Variants in CDH13 observed in about 807,000 individuals in gnomAD.
CDH13 encodes the protein cadherin 13.
Under a neutral mutation model 63.8 loss-of-function variants are expected in CDH13, and 24 were observed. That is an observed-to-expected ratio of 0.38 (90% confidence interval 0.27 to 0.53). The LOEUF is 0.53. Among genes scored for constraint, CDH13 ranks in the 20% least tolerant of loss-of-function variants. The pLI, the probability that CDH13 is intolerant of heterozygous loss-of-function variation, is 0.85. For missense variants in CDH13, 1,049 were observed against 903.1 expected, an observed-to-expected ratio of 1.16 and a Z score of -2.07; for synonymous variants, 503 against 355.3, an observed-to-expected ratio of 1.42 and a Z score of -4.67.
intron 3 of CDH13, among the ~76,000 whole-genome samples, chr16:83,113,780 A>C (rs1317689746): frequency 6.6e-6 from 1 of 152,216 alleles, no homozygotes; most frequent in Non-Finnish European, 1.5e-5. Flanking sequence ...AGAAGCCCTC[A>C]GACAAGCACC....
chr16:82,955,122 C>A (rs1407769736), intron 2 of CDH13, among the ~76,000 whole-genome samples: 2 of 152,260 alleles, frequency 1.3e-5, no homozygotes, highest in Admixed American at 1.3e-4. Flanking sequence ...TGTGGATATG[C>A]ACCTACCTAG....
chr16:83,576,149 G>A (rs1042074668), intron 7 of CDH13, among the ~76,000 whole-genome samples: 1 of 152,120 alleles, frequency 6.6e-6, no homozygotes, highest in Admixed American at 6.5e-5. Flanking sequence ...CCATTAAGTA[G>A]CCTCTCCCAC....
intron 6 of CDH13, among the ~76,000 whole-genome samples, chr16:83,452,084 C>G (rs1028660351): frequency 6.6e-6 from 1 of 152,142 alleles, no homozygotes; most frequent in African/African-American, 2.4e-5. Flanking sequence ...GCACTCCCCA[C>G]CGCCTGAGAT....
chr16:83,753,463 T>C (rs764130365), intron 11 of CDH13, among the ~76,000 whole-genome samples: 16 of 152,116 alleles, frequency 1.1e-4, no homozygotes, highest in Non-Finnish European at 2.1e-4. Context: ...GAGGATCACC[T>C]GAACCCAGGT....
intron 1 of CDH13, among the ~76,000 whole-genome samples, chr16:82,672,944 A>T (rs981601178): frequency 2.0e-5 from 3 of 149,562 alleles, no homozygotes; most frequent in Non-Finnish European, 3.0e-5. Context: ...CCTCCTGAGC[A>T]GCTGGGACCG....
chr16:83,447,426 A>AC (rs2072740650), intron 6 of CDH13, among the ~76,000 whole-genome samples: 1 of 152,020 alleles, frequency 6.6e-6, no homozygotes, highest in South Asian at 2.1e-4. Context: ...AAAAAAACAA[A>AC]GAAAAAAAAG....
At chr16:83,617,709 T>C (rs1280145699) in intron 8 of CDH13, among the ~76,000 whole-genome samples, 1 of 151,576 alleles carries the variant, frequency 6.6e-6, no homozygotes, top group African/African-American at 2.4e-5. Flanking sequence ...ATATCACATA[T>C]TCTATTCTAA....
At position 83,065,759 on chromosome 16, in the gene CDH13, T is replaced by G. The variant is rs534171495; in HGVS notation, c.366+33541T>G. On this transcript the variant is annotated intron_variant, in intron 3 of 13. Coordinates refer to ENST00000567109, the MANE Select transcript of CDH13 (RefSeq NM_001257.5). ...AAAAAAAAACAAGACTACTTTTAGG[T>G]TCTCGCTCTTTGGATGTGTTGCTGT... Among the ~76,000 whole-genome samples the G allele has an allele frequency of 8.6e-5, 13 of 151,360 alleles. 1 individual carries two copies. The South Asian group carries it at 2.5e-3, about 29-fold the overall frequency.
At chr16:82,635,454 G>A (rs763471729) in intron 1 of CDH13, among the ~76,000 whole-genome samples, 50 of 152,236 alleles carry the variant, frequency 3.3e-4, no homozygotes, top group Non-Finnish European at 6.5e-4. Flanking sequence ...GTGATGTGAA[G>A]TGTGGCTGGG....
At chr16:83,089,637 C>T (rs973100425) in intron 3 of CDH13, among the ~76,000 whole-genome samples, 6 of 152,208 alleles carry the variant, frequency 3.9e-5, no homozygotes, top group Non-Finnish European at 8.8e-5. Flanking sequence ...CTTTAGGGAG[C>T]ACTCTTGGTT....
intron 2 of CDH13, among the ~76,000 whole-genome samples, chr16:83,020,057 T>C (rs1367164240): frequency 3.3e-5 from 5 of 152,118 alleles, no homozygotes; most frequent in Non-Finnish European, 5.9e-5. Context: ...CACTAGGCAA[T>C]AGGACTTTTT....
chr16:83,130,302 C>T (rs1019437931), intron 4 of CDH13, among the ~76,000 whole-genome samples: 1 of 152,170 alleles, frequency 6.6e-6, no homozygotes, highest in Admixed American at 6.5e-5. Flanking sequence ...CTGTCCAAAG[C>T]CACACAGCTA....
At chr16:82,990,718 T>G (rs1004949485) in intron 2 of CDH13, among the ~76,000 whole-genome samples, 2 of 151,960 alleles carry the variant, frequency 1.3e-5, no homozygotes, top group Non-Finnish European at 2.9e-5. Flanking sequence ...AGCTATTTAT[T>G]TATTTATTGT....
At chr16:83,117,200 A>G (rs897171321) in intron 3 of CDH13, among the ~76,000 whole-genome samples, 5 of 152,212 alleles carry the variant, frequency 3.3e-5, no homozygotes, top group African/African-American at 1.2e-4. Flanking sequence ...AGTAAAAGCC[A>G]GGGCCCTCTC....
chr16:82,675,664 G>A (rs912106499), intron 1 of CDH13, among the ~76,000 whole-genome samples: 3 of 152,286 alleles, frequency 2.0e-5, no homozygotes, highest in South Asian at 4.1e-4. Context: ...CTGGACTCAC[G>A]TTCCTGCTTT....
chr16:83,627,674 C>G (rs1307482529), intron 8 of CDH13, among the ~76,000 whole-genome samples: 1 of 152,136 alleles, frequency 6.6e-6, no homozygotes, highest in African/African-American at 2.4e-5. Flanking sequence ...CCTCAGCCCC[C>G]CAAGTAGCTG....
chr16:83,296,990 ATTTG>A (rs1423112434), intron 5 of CDH13, among the ~76,000 whole-genome samples: 1 of 152,154 alleles, frequency 6.6e-6, no homozygotes, highest in Non-Finnish European at 1.5e-5. Flanking sequence ...GAGATAAGAT[ATTTG>A]TTTGGGAAAT....
intron 2 of CDH13, among the ~76,000 whole-genome samples, chr16:82,878,358 CTT>C (rs1459837295): frequency 6.6e-6 from 1 of 151,796 alleles, no homozygotes; most frequent in Non-Finnish European, 1.5e-5. Context: ...AATGTTGAAT[CTT>C]TCACTCTCTT....
At chr16:82,747,017 T>A (rs2034205852) in intron 1 of CDH13, among the ~76,000 whole-genome samples, 1 of 152,230 alleles carries the variant, frequency 6.6e-6, no homozygotes, top group Non-Finnish European at 1.5e-5. Context: ...TGTTAGATTG[T>A]CTTAGTCCTC....
Sources: gnomAD v4.1 joint callset for allele counts (sites outside exome capture counted in the v4.1 genomes callset) on GRCh38, gnomAD v4.1.1 for gene constraint, MANE v1.5 for transcripts, NCBI Gene and HGNC (gene_info 2026-07-23, HGNC 2026-07-21) for gene names.